ABLIM1: variants seen among roughly 807,000 people sequenced by gnomAD.
ABLIM1 encodes the protein actin-binding LIM protein 1.
A neutral mutation model predicts 107.0 loss-of-function variants in ABLIM1; 40 were observed. That is an observed-to-expected ratio of 0.37 (90% CI 0.29 to 0.49). ABLIM1 has a LOEUF of 0.49. Among genes scored for constraint, ABLIM1 ranks in the 20% least tolerant of loss-of-function variants. The pLI, the probability that ABLIM1 is intolerant of heterozygous loss-of-function variation, is 0.97. For missense variants in ABLIM1, 857 were observed against 1,008.5 expected (o/e 0.85, Z 2.04); for synonymous variants, 357 against 357.3 (o/e 1.00, Z 0.01).
intron 1 of ABLIM1, chr10:114,632,014 G>C: frequency 1.5e-6 from 2 of 1,290,378 alleles, no homozygotes; most frequent in Admixed American, 2.4e-5. Flanking sequence ...GCGGGCGCTG[G>C]GGCAGCCAGG....
At chr10:114,672,213 T>C (rs920787609) in intron 1 of ABLIM1, among the ~76,000 whole-genome samples, 1 of 151,806 alleles carries the variant, frequency 6.6e-6, no homozygotes, top group African/African-American at 2.4e-5. Flanking sequence ...TTATTTTTTA[T>C]TTTTTTAGAT....
chr10:114,454,351 A>G (rs2062418830), intron 12 of ABLIM1, among the ~76,000 whole-genome samples: 1 of 152,206 alleles, frequency 6.6e-6, no homozygotes, highest in South Asian at 2.1e-4. Context: ...GACTCAGATG[A>G]AGGTGACACC....
chr10:114,778,226 T>C, the ABLIM1 span: 1 of 152,394 alleles, frequency 6.6e-6, no homozygotes, highest in Admixed American at 6.5e-5. Flanking sequence ...TAGCCGGGCA[T>C]AGTGTCACAC....
At chr10:114,764,631 C>G (rs761226334) in intron 1 of ABLIM1, among the ~76,000 whole-genome samples, 3 of 152,318 alleles carry the variant, frequency 2.0e-5, no homozygotes, top group African/African-American at 4.8e-5. Context: ...CGTGAGCCAC[C>G]GCACCCGGCC....
chr10:114,704,528 A>G (rs1301729641), intron 1 of ABLIM1, among the ~76,000 whole-genome samples: 1 of 148,986 alleles, frequency 6.7e-6, no homozygotes, highest in Non-Finnish European at 1.5e-5. Context: ...AGATTTCCCA[A>G]TGCCCAGTTT....
chr10:114,476,909 G>A (rs974721168), intron 8 of ABLIM1, among the ~76,000 whole-genome samples: 4 of 151,924 alleles, frequency 2.6e-5, no homozygotes, highest in South Asian at 2.1e-4. Flanking sequence ...CAAGAATATC[G>A]ATGGCAACGA....
intron 1 of ABLIM1, among the ~76,000 whole-genome samples, chr10:114,679,976 G>A (rs1378101583): frequency 1.3e-5 from 2 of 152,164 alleles, no homozygotes; most frequent in African/African-American, 4.8e-5. Flanking sequence ...CTCTCATGTA[G>A]TGTTTGAAAT....
chr10:114,530,680 T>A (rs1322744609), intron 6 of ABLIM1, among the ~76,000 whole-genome samples: 3 of 152,246 alleles, frequency 2.0e-5, no homozygotes, highest in African/African-American at 7.2e-5. Context: ...ATTACAGGCA[T>A]CCGCCACCAT....
At chr10:114,791,055 T>C in the ABLIM1 span, among the ~76,000 whole-genome samples, 2 of 152,198 alleles carry the variant, frequency 1.3e-5, no homozygotes, top group African/African-American at 4.8e-5. Context: ...CAAATCATGA[T>C]CTGCTTTAAT....
At chr10:114,589,719 CTTT>C (rs932313848) in intron 2 of ABLIM1, among the ~76,000 whole-genome samples, 3 of 151,858 alleles carry the variant, frequency 2.0e-5, no homozygotes, top group Middle Eastern at 3.2e-3. Context: ...TTTCTTTTTT[CTTT>C]TTTTAGAGTT....
chr10:114,545,863 G>A (rs2067255721), intron 5 of ABLIM1, among the ~76,000 whole-genome samples: 2 of 150,362 alleles, frequency 1.3e-5, no homozygotes, highest in Non-Finnish European at 3.0e-5. Flanking sequence ...CCCAGGAGGT[G>A]GAGGTTTCAG....
chr10:114,709,598 T>C (rs1231012091), intron 1 of ABLIM1, among the ~76,000 whole-genome samples: 1 of 152,064 alleles, frequency 6.6e-6, no homozygotes, highest in African/African-American at 2.4e-5. Flanking sequence ...CTACCAAAAA[T>C]AAAAGATAAA....
intron 1 of ABLIM1, among the ~76,000 whole-genome samples, chr10:114,746,754 A>C (rs1478123101): frequency 6.6e-6 from 1 of 152,184 alleles, no homozygotes; most frequent in Non-Finnish European, 1.5e-5. Context: ...CTATTCTAAC[A>C]GGTGTGAGGT....
chr10:114,545,464 A>C (rs2067208977), intron 5 of ABLIM1, among the ~76,000 whole-genome samples: 1 of 152,236 alleles, frequency 6.6e-6, no homozygotes, highest in African/African-American at 2.4e-5. Context: ...CATAACAATA[A>C]TTAATAAACC....
intron 1 of ABLIM1, among the ~76,000 whole-genome samples, chr10:114,744,211 T>G (rs557210393): frequency 1.3e-5 from 2 of 152,188 alleles, no homozygotes; most frequent in African/African-American, 4.8e-5. Context: ...CTTAGTTAGA[T>G]TGGATTCAAG....
At chr10:114,481,325 C>T (rs1476944674) in intron 8 of ABLIM1, among the ~76,000 whole-genome samples, 1 of 151,568 alleles carries the variant, frequency 6.6e-6, no homozygotes, top group Non-Finnish European at 1.5e-5. Flanking sequence ...CAACTATATT[C>T]ATCTAATTTG....
chr10:114,503,031 C>T (rs1031523739), intron 6 of ABLIM1, among the ~76,000 whole-genome samples: 2 of 152,156 alleles, frequency 1.3e-5, no homozygotes, highest in East Asian at 1.9e-4. Flanking sequence ...TTCTTTCACT[C>T]AACACTTTGT....
At chr10:114,446,421 G>A (rs2061028706) in intron 15 of ABLIM1, among the ~76,000 whole-genome samples, 1 of 152,128 alleles carries the variant, frequency 6.6e-6, no homozygotes, top group South Asian at 2.1e-4. Flanking sequence ...TTCTGGAAAG[G>A]GGAGACAGGG....
intron 1 of ABLIM1, among the ~76,000 whole-genome samples, chr10:114,653,132 AC>A: frequency 6.6e-6 from 1 of 152,292 alleles, no homozygotes; most frequent in East Asian, 1.9e-4. Context: ...TACTTATGTG[AC>A]CTTTGGCAGG....
Sources: gnomAD v4.1 joint callset for allele counts (sites outside exome capture counted in the v4.1 genomes callset) on GRCh38, gnomAD v4.1.1 for gene constraint, MANE v1.5 for transcripts, NCBI Gene and HGNC (gene_info 2026-07-23, HGNC 2026-07-21) for gene names.